Variants in AGBL1 observed in about 807,000 individuals in gnomAD.
AGBL1 encodes AGBL carboxypeptidase 1, also known as cytosolic carboxypeptidase 4.
AGBL1 carries 130 observed loss-of-function variants against 118.9 expected under a neutral mutation model. The ratio of observed to expected loss-of-function variants is 1.09; its 90% confidence interval spans 0.95 to 1.26. The LOEUF (loss-of-function observed/expected upper bound fraction) is 1.26. AGBL1 is among the 50% of genes most tolerant of loss of function. The pLI, the probability that AGBL1 is intolerant of heterozygous loss-of-function variation, is 0.00. For missense variants in AGBL1, 1,584 were observed against 1,298.1 expected (o/e 1.22, Z -3.38); for synonymous variants, 555 against 478.9 (o/e 1.16, Z -2.08).
Position 86,298,246 on chromosome 15 carries a change from A to ATTATATATATATATATATAT in AGBL1, c.2374+2838_2374+2839insTTATATATATATATATATAT, listed in dbSNP as rs1555462936. 6.4e-4 allele frequency among the ~76,000 whole-genome samples: 45 copies of ATTATATATATATATATATAT among 69,804 alleles called. 3 individuals are homozygous for ATTATATATATATATATATAT. Among genetic ancestry groups the ATTATATATATATATATATAT allele is most frequent in the African/African-American group, 9.8e-4 (15 of 15,350 alleles). 45.8% of individuals were successfully genotyped at this position (69,804 alleles called of 152,430 possible). A position where few individuals can be genotyped will look rare whatever the true frequency, so the allele number is the denominator to read the frequency against. On this transcript the variant is annotated intron_variant, in intron 17 of 22. Coordinates refer to ENST00000614907, the MANE Select transcript of AGBL1 (RefSeq NM_001386094.1). ...GTATACAGGGTACGTGTCTGTGTAT[A>ATTATATATATATATATATAT]ATATATATATATATATATATATATA...
intron 17 of AGBL1, among the ~76,000 whole-genome samples, chr15:86,368,081 C>T (rs796908176): frequency 9.2e-5 from 14 of 152,214 alleles, no homozygotes; most frequent in African/African-American, 3.4e-4. Context: ...TGCTGATTCA[C>T]GACTTCGGGA....
At chr15:86,670,212 T>G (rs1367258447) in intron 21 of AGBL1, among the ~76,000 whole-genome samples, 1 of 152,100 alleles carries the variant, frequency 6.6e-6, no homozygotes, top group African/African-American at 2.4e-5. Context: ...TCAAATGTTA[T>G]GGAGCCACTG....
At chr15:86,465,744 T>G (rs2082396143) in intron 18 of AGBL1, among the ~76,000 whole-genome samples, 1 of 152,194 alleles carries the variant, frequency 6.6e-6, no homozygotes, top group Non-Finnish European at 1.5e-5. Flanking sequence ...ACTGGTTGTC[T>G]GTTCTCAAAC....
At chr15:86,200,805 G>T (rs575181119) in intron 5 of AGBL1, among the ~76,000 whole-genome samples, 2 of 151,968 alleles carry the variant, frequency 1.3e-5, no homozygotes, top group South Asian at 4.2e-4. Flanking sequence ...CAGTAGAGAT[G>T]AGGTTTCACC....
intron 17 of AGBL1, among the ~76,000 whole-genome samples, chr15:86,374,366 A>T (rs949629056): frequency 6.6e-6 from 1 of 152,188 alleles, no homozygotes; most frequent in Non-Finnish European, 1.5e-5. Context: ...TGCATGTTTG[A>T]CTTTAATGCT....
At chr15:86,968,675 G>T (rs1213335110) in intron 23 of AGBL1, among the ~76,000 whole-genome samples, 5 of 151,890 alleles carry the variant, frequency 3.3e-5, no homozygotes, top group Admixed American at 6.6e-5. Flanking sequence ...CCCACACCAT[G>T]ATAATGGATT....
At chr15:86,342,094 T>C (rs544233066) in intron 17 of AGBL1, among the ~76,000 whole-genome samples, 1 of 152,266 alleles carries the variant, frequency 6.6e-6, no homozygotes, top group Admixed American at 6.5e-5. Flanking sequence ...GATGAACGCT[T>C]TCTCAATTTT....
intron 18 of AGBL1, among the ~76,000 whole-genome samples, chr15:86,426,908 A>C (rs1024334278): frequency 6.6e-6 from 1 of 152,046 alleles, no homozygotes; most frequent in Non-Finnish European, 1.5e-5. Flanking sequence ...TGAGATTATG[A>C]GTGCACACCA....
chr15:86,225,841 C>A (rs988376907), intron 6 of AGBL1, among the ~76,000 whole-genome samples: 2 of 152,088 alleles, frequency 1.3e-5, no homozygotes, highest in Non-Finnish European at 2.9e-5. Context: ...AACACTCTCT[C>A]CCCCCATCCA....
intron 17 of AGBL1, among the ~76,000 whole-genome samples, chr15:86,394,581 C>T (rs34674923): frequency 0.016 from 2,428 of 152,190 alleles, 30 homozygotes; most frequent in Non-Finnish European, 0.025. Context: ...TCTCAAACAT[C>T]CAGAAGTAAC....
intron 21 of AGBL1, among the ~76,000 whole-genome samples, chr15:86,656,497 C>G (rs2085463596): frequency 6.6e-6 from 1 of 152,134 alleles, no homozygotes; most frequent in South Asian, 2.1e-4. Context: ...TGACACATCA[C>G]TCTTGTTTAT....
At position 86,493,930 on chromosome 15, in the gene AGBL1, T is replaced by C. The variant is rs762279990; in HGVS notation, c.2556-28880T>C. Among the ~76,000 whole-genome samples the C allele has an allele frequency of 6.7e-4, 102 of 151,976 alleles. 1 individual carries two copies. The highest frequency in any genetic ancestry group is 6.5e-4 in the Non-Finnish European group (44 of 67,966). ...ATCAGTGCATGGCTCCTCTCTTCAC[T>C]CTATCCTTCCATTCTCCTTTCTTTT... On this transcript the variant is annotated intron_variant, in intron 18 of 22. Transcript: ENST00000614907.
At chr15:86,354,738 A>G (rs1470765019) in intron 17 of AGBL1, among the ~76,000 whole-genome samples, 1 of 152,242 alleles carries the variant, frequency 6.6e-6, no homozygotes. Context: ...GGGTTACTTT[A>G]CATAGCAAAG....
At position 86,079,882 on chromosome 15, in the gene AGBL1, G is replaced by A; in HGVS notation, c.-91G>A. The A allele has an allele frequency of 1.0e-6, 1 of 991,226 alleles. No homozygotes were observed. The highest frequency in any genetic ancestry group is 3.6e-4 in the Middle Eastern group (1 of 2,808). 61.4% of individuals were successfully genotyped at this position (991,226 alleles called of 1,614,324 possible). ...TGAGGCCTCCGGGCAGTCGTCTCCT[G>A]CGAGGCGGGCAGCGAGGTCAGCTTG... is the stretch of plus-strand genomic sequence containing the variant. On this transcript the variant is annotated 5_prime_UTR_variant, in exon 1 of 23. Transcript: ENST00000614907.
intron 22 of AGBL1, among the ~76,000 whole-genome samples, chr15:86,872,653 G>A (rs867970457): frequency 7.9e-5 from 12 of 152,156 alleles, no homozygotes; most frequent in Admixed American, 3.3e-4. Flanking sequence ...CTACTCAGGA[G>A]GCTGAGGCAG....
chr15:86,566,282 T>C (rs994319554), intron 21 of AGBL1, among the ~76,000 whole-genome samples: 1 of 152,166 alleles, frequency 6.6e-6, no homozygotes, highest in East Asian at 1.9e-4. Context: ...CTAATTTTTC[T>C]TGAGTATGCA....
chr15:86,516,793 CAAAAAAAAA>C (rs3084324), intron 18 of AGBL1, among the ~76,000 whole-genome samples: 2 of 99,218 alleles, frequency 2.0e-5, no homozygotes, highest in Non-Finnish European at 4.0e-5. Context: ...AACTCCATCT[CAAAAAAAAA>C]AAAAAAAAAA....
chr15:86,785,360 CTT>C (rs891818403), intron 22 of AGBL1, among the ~76,000 whole-genome samples: 8 of 98,892 alleles, frequency 8.1e-5, no homozygotes, highest in South Asian at 3.7e-4. Context: ...TCTGCGGGTT[CTT>C]TTTTTTTTTT....
intron 5 of AGBL1, among the ~76,000 whole-genome samples, chr15:86,172,877 A>C (rs1247866546): frequency 2.0e-5 from 3 of 152,148 alleles, no homozygotes; most frequent in African/African-American, 7.2e-5. Context: ...TAGCGTGATT[A>C]CTGGATTGCA....
Sources: allele counts gnomAD v4.1 joint callset (sites outside exome capture counted in the v4.1 genomes callset), GRCh38; gene constraint gnomAD v4.1.1; transcripts MANE v1.5; gene names NCBI Gene and HGNC (gene_info 2026-07-23, HGNC 2026-07-21).